The following PREX1 variants were observed in gnomAD, a reference collection of about 807,000 sequenced individuals.
PREX1 encodes phosphatidylinositol 3,4,5-trisphosphate-dependent Rac exchanger 1 protein.
PREX1 carries 41 observed loss-of-function variants against 198.3 expected under a neutral mutation model. The observed-to-expected ratio is 0.21, with a 90% confidence interval of 0.16 to 0.27. The LOEUF (loss-of-function observed/expected upper bound fraction) is 0.27. Among genes scored for constraint, PREX1 ranks in the 10% least tolerant of loss-of-function variants. PREX1 has a pLI of 1.00. For missense variants in PREX1, 1,620 were observed against 2,200.7 expected (o/e 0.74, Z 5.28); for synonymous variants, 843 against 887.2 (o/e 0.95, Z 0.89).
intron 1 of PREX1, among the ~76,000 whole-genome samples, chr20:48,816,347 C>G (rs930392188): frequency 2.6e-5 from 4 of 152,160 alleles, no homozygotes; most frequent in African/African-American, 7.2e-5. Context: ...ATCACTGCCC[C>G]CTGTGTCCAC....
At chr20:48,728,364 C>T (rs1167986470) in intron 4 of PREX1, among the ~76,000 whole-genome samples, 1 of 152,256 alleles carries the variant, frequency 6.6e-6, no homozygotes, top group Non-Finnish European at 1.5e-5. Context: ...ACCACTGTCC[C>T]CTACCACACA....
At chr20:48,872,596 A>G in the PREX1 span, among the ~76,000 whole-genome samples, 2 of 152,156 alleles carry the variant, frequency 1.3e-5, no homozygotes, top group African/African-American at 4.8e-5. Context: ...AATATAAAAA[A>G]TTAGCCGGGT....
intron 18 of PREX1, chr20:48,656,623 T>TCA: frequency 2.2e-6 from 1 of 446,208 alleles, no homozygotes; most frequent in Non-Finnish European, 4.5e-6. Context: ...CTTCGGGTCT[T>TCA]CACCCCGACT....
At chr20:48,635,112 TC>T (rs1256020009) in intron 32 of PREX1, among the ~76,000 whole-genome samples, 3 of 151,958 alleles carry the variant, frequency 2.0e-5, no homozygotes, top group African/African-American at 4.8e-5. Context: ...TTCCTCAACC[TC>T]CCCCAGTCGG....
chr20:48,642,257 ACCTGGGTGGCAAGAAG>A lies in PREX1; in HGVS notation c.3685-15_3685del. On this transcript the variant is annotated splice_acceptor_variant and splice_polypyrimidine_tract_variant and coding_sequence_variant and intron_variant, in exon 29 of 40. Coordinates refer to ENST00000371941, the MANE Select transcript of PREX1 (RefSeq NM_020820.4). LOFTEE classifies it high-confidence loss of function. ...CTTGAGGAGAGCATTGATGGAGTCC[ACCTGGGTGGCAAGAAG>A]CCTGGGGTTGGTTTGGGCCCCGTGG... is the stretch of plus-strand genomic sequence containing the variant. 1 of 1,614,200 alleles carries A rather than the reference ACCTGGGTGGCAAGAAG, an allele frequency of 6.2e-7. No individual in the cohort carries two copies. Among genetic ancestry groups the A allele is most frequent in the Non-Finnish European group, 8.5e-7 (1 of 1,180,008 alleles).
chr20:48,653,649 A>C (rs1172797084), intron 19 of PREX1, 152 bp from the exon 20 acceptor site: 2 of 934,736 alleles, frequency 2.1e-6, no homozygotes, highest in Non-Finnish European at 3.1e-6. Context: ...CTGACACTCC[A>C]GTGCAAAGAA....
chr20:48,788,672 G>C (rs1035785158), intron 1 of PREX1, among the ~76,000 whole-genome samples: 22 of 152,298 alleles, frequency 1.4e-4, no homozygotes, highest in African/African-American at 5.3e-4. Flanking sequence ...ATGGTTTGAA[G>C]GCATCCCCCA....
intron 1 of PREX1, among the ~76,000 whole-genome samples, chr20:48,814,856 G>T (rs535385348): frequency 6.6e-6 from 1 of 152,136 alleles, no homozygotes; most frequent in Non-Finnish European, 1.5e-5. Flanking sequence ...AAAAGGTTGC[G>T]ACTGTCAGAA....
At chr20:48,697,499 G>A (rs6066818) in intron 7 of PREX1, among the ~76,000 whole-genome samples, 1 of 151,770 alleles carries the variant, frequency 6.6e-6, no homozygotes, top group Non-Finnish European at 1.5e-5. Flanking sequence ...TCCTGCCTCA[G>A]CCTCCCGAGT....
chr20:48,872,563 G>C, the PREX1 span, among the ~76,000 whole-genome samples: 17 of 152,066 alleles, frequency 1.1e-4, no homozygotes, highest in Non-Finnish European at 2.2e-4. Context: ...GGCTAACATG[G>C]TGAAACCCCA....
At chr20:48,720,889 C>T (rs915665210) in intron 5 of PREX1, among the ~76,000 whole-genome samples, 2 of 152,172 alleles carry the variant, frequency 1.3e-5, no homozygotes, top group African/African-American at 2.4e-5. Flanking sequence ...CACAGACAGA[C>T]ATGGGAGGTG....
intron 1 of PREX1, among the ~76,000 whole-genome samples, chr20:48,777,425 G>A (rs57465226): frequency 0.014 from 2,108 of 152,260 alleles, 54 homozygotes; most frequent in African/African-American, 0.049. Context: ...TGACCATTAC[G>A]GTTGATGCTG....
chr20:48,704,319 A>C (rs1025480811), intron 6 of PREX1, among the ~76,000 whole-genome samples: 2 of 152,220 alleles, frequency 1.3e-5, no homozygotes, highest in Non-Finnish European at 2.9e-5. Flanking sequence ...GGAGTCTCCA[A>C]GGGGAGAGAC....
upstream of PREX1, among the ~76,000 whole-genome samples, chr20:48,830,645 G>A (rs752399184): frequency 5.9e-5 from 9 of 152,164 alleles, no homozygotes; most frequent in Non-Finnish European, 1.2e-4. Flanking sequence ...TTTATACATC[G>A]TTACTTCCTC....
chr20:48,755,400 C>T (rs951317205), intron 1 of PREX1, among the ~76,000 whole-genome samples: 1 of 152,166 alleles, frequency 6.6e-6, no homozygotes, highest in Admixed American at 6.5e-5. Context: ...AAAATAAGGA[C>T]TGTATTTCCC....
chr20:48,876,532 G>A, the PREX1 span, among the ~76,000 whole-genome samples: 2 of 152,156 alleles, frequency 1.3e-5, no homozygotes, highest in Admixed American at 6.5e-5. Context: ...GGTTGAGGGC[G>A]ACTCTTGGAT....
At chr20:48,809,480 G>A (rs1053870554) in intron 1 of PREX1, among the ~76,000 whole-genome samples, 3 of 152,168 alleles carry the variant, frequency 2.0e-5, no homozygotes, top group Non-Finnish European at 2.9e-5. Flanking sequence ...GCTGCCCCAG[G>A]GAAACAGAGA....
chr20:48,827,058 G>A lies in PREX1; in HGVS notation c.219+584C>T, dbSNP rs1236105180. ...GTTGGTGGGGGTGGATGCAGTTAGG[G>A]AGCCTGGACTGCCGAGTTTTGAGTT... is the stretch of plus-strand genomic sequence containing the variant. On this transcript the variant is annotated intron_variant, in intron 1 of 39. Coordinates refer to ENST00000371941, the MANE Select transcript of PREX1 (RefSeq NM_020820.4). This position sits in a 1 kb window ranked among gnomAD's most constrained non-coding sequence, Gnocchi z 4.1. 1.3e-5 allele frequency among the ~76,000 whole-genome samples: 2 copies of A among 152,244 alleles called. No individual in the cohort carries two copies. The highest frequency in any genetic ancestry group is 4.8e-5 in the African/African-American group (2 of 41,546).
chr20:48,663,883 T>G (rs1394322526), intron 15 of PREX1, among the ~76,000 whole-genome samples: 2 of 151,346 alleles, frequency 1.3e-5, no homozygotes, highest in Non-Finnish European at 2.9e-5. Flanking sequence ...TGCACATGTG[T>G]GCACACACAT....
Sources: allele counts gnomAD v4.1 joint callset (sites outside exome capture counted in the v4.1 genomes callset), GRCh38; gene constraint gnomAD v4.1.1; non-coding constraint Gnocchi (gnomAD v3.1); transcripts MANE v1.5; gene names NCBI Gene and HGNC (gene_info 2026-07-23, HGNC 2026-07-21).